The following ERBB4 variants were observed in gnomAD, a reference collection of about 807,000 sequenced individuals.
ERBB4 encodes receptor tyrosine-protein kinase erbB-4.
Under a neutral mutation model 158.0 loss-of-function variants are expected in ERBB4, and 42 were observed. The observed-to-expected ratio is 0.27, with a 90% CI of 0.21 to 0.34. The LOEUF (loss-of-function observed/expected upper bound fraction) is 0.34. Among genes scored for constraint, ERBB4 ranks in the 10% least tolerant of loss-of-function variants. The pLI is 1.00. For synonymous variants in ERBB4, 583 were observed against 558.7 expected (o/e 1.04, Z -0.61); for missense variants, 1,333 against 1,624.1 (o/e 0.82, Z 3.08).
intron 1 of ERBB4, among the ~76,000 whole-genome samples, chr2:212,425,139 T>A (rs1309978262): frequency 6.6e-6 from 1 of 151,650 alleles, no homozygotes. Flanking sequence ...AAGTCAAGAA[T>A]TTAATTTAGT....
chr2:212,155,522 G>C (rs545083361), intron 1 of ERBB4, among the ~76,000 whole-genome samples: 65 of 152,048 alleles, frequency 4.3e-4, no homozygotes, highest in Non-Finnish European at 6.3e-4. Context: ...GCATCTTCTG[G>C]GGGTGGAGGC....
At chr2:211,962,098 A>G (rs1273820290) in intron 2 of ERBB4, among the ~76,000 whole-genome samples, 1 of 152,126 alleles carries the variant, frequency 6.6e-6, no homozygotes, top group Non-Finnish European at 1.5e-5. Context: ...ACAAAGGAGT[A>G]TGCCTTTTCC....
At chr2:211,908,441 A>G (rs1487757845) in intron 3 of ERBB4, among the ~76,000 whole-genome samples, 1 of 151,770 alleles carries the variant, frequency 6.6e-6, no homozygotes, top group Non-Finnish European at 1.5e-5. Flanking sequence ...CTATTGAGGA[A>G]TTTTGGCTCA....
chr2:211,842,718 C>T (rs2077501956), intron 3 of ERBB4, among the ~76,000 whole-genome samples: 1 of 151,998 alleles, frequency 6.6e-6, no homozygotes, highest in Non-Finnish European at 1.5e-5. Context: ...TATTTATATT[C>T]AAGATTTAAT....
At chr2:211,595,601 G>C (rs1235242160) in intron 19 of ERBB4, among the ~76,000 whole-genome samples, 1 of 152,138 alleles carries the variant, frequency 6.6e-6, no homozygotes, top group Non-Finnish European at 1.5e-5. Context: ...ATAAGAACCA[G>C]ATGTTATTAG....
chr2:211,718,073 G>A (rs559747119), intron 7 of ERBB4, among the ~76,000 whole-genome samples: 13 of 152,058 alleles, frequency 8.5e-5, no homozygotes, highest in South Asian at 4.1e-4. Context: ...CACCACGACC[G>A]GATAATTTTT....
At chr2:212,179,264 A>G (rs1443071283) in intron 1 of ERBB4, among the ~76,000 whole-genome samples, 1 of 151,472 alleles carries the variant, frequency 6.6e-6, no homozygotes, top group Non-Finnish European at 1.5e-5. Context: ...TTCGAGGAGG[A>G]CATTACTTTT....
At chr2:212,345,938 T>C (rs1451376111) in intron 1 of ERBB4, among the ~76,000 whole-genome samples, 2 of 152,182 alleles carry the variant, frequency 1.3e-5, no homozygotes, top group Non-Finnish European at 2.9e-5. Flanking sequence ...GATAGAGAGA[T>C]AAATACAATG....
At chr2:211,971,758 T>C (rs1023250716) in intron 2 of ERBB4, among the ~76,000 whole-genome samples, 3 of 152,136 alleles carry the variant, frequency 2.0e-5, no homozygotes, top group East Asian at 3.9e-4. Flanking sequence ...TGCAAGTAAA[T>C]AAATGTGATT....
intron 3 of ERBB4, among the ~76,000 whole-genome samples, chr2:211,925,109 A>G (rs1336012855): frequency 2.0e-5 from 3 of 152,144 alleles, no homozygotes; most frequent in African/African-American, 7.2e-5. Flanking sequence ...GCAGTTCAGA[A>G]ATACTATAGT....
chr2:211,939,179 C>T (rs1182093272), intron 3 of ERBB4, among the ~76,000 whole-genome samples: 1 of 152,038 alleles, frequency 6.6e-6, no homozygotes, highest in Non-Finnish European at 1.5e-5. Flanking sequence ...CTTTTTTCAG[C>T]CAATTTAATG....
intron 2 of ERBB4, among the ~76,000 whole-genome samples, chr2:212,066,621 G>A (rs1239638065): frequency 6.6e-6 from 1 of 151,906 alleles, no homozygotes; most frequent in African/African-American, 2.4e-5. Context: ...CATAATTGTG[G>A]TTATTTTAAA....
chr2:211,784,681 A>C (rs1046361053), intron 4 of ERBB4, among the ~76,000 whole-genome samples: 2 of 152,092 alleles, frequency 1.3e-5, no homozygotes, highest in Non-Finnish European at 2.9e-5. Flanking sequence ...CCACCAGACT[A>C]TTTTCCATAG....
chr2:212,409,814 G>T (rs2091446902), intron 1 of ERBB4, among the ~76,000 whole-genome samples: 1 of 151,960 alleles, frequency 6.6e-6, no homozygotes, highest in Non-Finnish European at 1.5e-5. Flanking sequence ...TGATCATTAT[G>T]GTTCAGTTAT....
intron 3 of ERBB4, among the ~76,000 whole-genome samples, chr2:211,939,100 T>C (rs192730462): frequency 1.3e-5 from 2 of 152,298 alleles, no homozygotes; most frequent in Admixed American, 6.5e-5. Flanking sequence ...TCAAGTATTA[T>C]ATAATGATCA....
In ERBB4 at chr2:212,160,580, A is replaced by G. The variant is rs2081173247; in HGVS notation, c.83-35677T>C. 3.9e-5 allele frequency among the ~76,000 whole-genome samples: 6 copies of G among 152,126 alleles called. No individual in the cohort carries two copies. The South Asian group carries it at 1.0e-3, about 26-fold the overall frequency. On this transcript the variant is annotated intron_variant, in intron 1 of 27. Coordinates refer to ENST00000342788, the MANE Select transcript of ERBB4 (RefSeq NM_005235.3). ...CCATTGTCTCTATGCCCACATTTTT[A>G]TGACGCAGTCATGGTGTGGTTACAG...
intron 1 of ERBB4, among the ~76,000 whole-genome samples, chr2:212,301,157 ACCTTT>A (rs2086606815): frequency 6.7e-6 from 1 of 150,332 alleles, no homozygotes; most frequent in Non-Finnish European, 1.5e-5. Flanking sequence ...AACATTATAA[ACCTTT>A]CCTTTCCTGA....
intron 1 of ERBB4, among the ~76,000 whole-genome samples, chr2:212,526,710 T>C (rs912982501): frequency 6.6e-6 from 1 of 152,106 alleles, no homozygotes. Flanking sequence ...TTAACTGAAA[T>C]GCATTGTTTC....
At chr2:211,435,478 G>T (rs1044867255) in intron 20 of ERBB4, among the ~76,000 whole-genome samples, 5 of 152,154 alleles carry the variant, frequency 3.3e-5, no homozygotes, top group Non-Finnish European at 7.4e-5. Flanking sequence ...ATCTAATCAG[G>T]GATCCCCAAC....
Sources: allele counts gnomAD v4.1 joint callset (sites outside exome capture counted in the v4.1 genomes callset), GRCh38; gene constraint gnomAD v4.1.1; transcripts MANE v1.5; gene names NCBI Gene and HGNC (gene_info 2026-07-23, HGNC 2026-07-21).